DSG3: variants seen among roughly 807,000 people sequenced by gnomAD.
The protein encoded by DSG3 is desmoglein-3.
Under a neutral mutation model 85.9 loss-of-function variants are expected in DSG3, and 63 were observed. The ratio of observed to expected loss-of-function variants is 0.73; its 90% CI spans 0.60 to 0.90. The LOEUF is 0.90. Ranked by LOEUF, DSG3 falls within the 40% of genes least tolerant of loss-of-function variation. The probability of loss-of-function intolerance (pLI) is 0.00; values close to 1 mark genes in which losing one functional copy is unlikely to be tolerated. For missense variants in DSG3, 1,220 were observed against 1,219.9 expected (o/e 1.00, Z 0.00); for synonymous variants, 447 against 441.9 (o/e 1.01, Z -0.14).
At chr18:31,456,632 A>G (rs180913587) in intron 2 of DSG3, among the ~76,000 whole-genome samples, 157 bp downstream of exon 2, 1 of 152,304 alleles carries the variant, frequency 6.6e-6, no homozygotes, top group Admixed American at 6.5e-5. Flanking sequence ...TGATAACAAT[A>G]TTTTAAAACT....
rs190778464 is a variant in DSG3 at position 31,460,932 on chromosome 18, G to C, written c.784G>C (p.Asp262His). 1 of 1,602,676 alleles carries C rather than the reference G, an allele frequency of 6.2e-7. No homozygotes were observed. Among genetic ancestry groups the C allele is most frequent in the East Asian group, 2.3e-5 (1 of 44,428 alleles). Residue 262 changes from aspartate to histidine, a missense_variant, in exon 7 of 16, where the codon GAT (aspartate) becomes CAT (histidine). Asp to His is a moderately conservative substitution (Grantham distance 81). Coordinates refer to ENST00000257189, the MANE Select transcript of DSG3 (RefSeq NM_001944.3). ...ECNIKVKDVN[D>H]NFPMFRDSQY... The stretch of plus-strand genomic sequence containing the variant: ...TAATATTAAAGTGAAAGATGTCAAC[G>C]ATAACTTCCCAATGTTTAGAGACTC...
Position 31,459,155 on chromosome 18 carries a change from A to T in DSG3, c.495A>T (p.Glu165Asp). 1 of 1,612,348 alleles carries T rather than the reference A, an allele frequency of 6.2e-7. No homozygotes were observed. The highest frequency in any genetic ancestry group is 8.5e-7 in the Non-Finnish European group (1 of 1,179,830). Residue 165 changes from glutamate (E) to aspartate (D), a missense_variant, in exon 5 of 16, where the codon GAA (glutamate) becomes GAT (aspartate). Physicochemically the swap from Glu to Asp is conservative, Grantham distance 45 (BLOSUM62 2). Coordinates refer to ENST00000257189, the MANE Select transcript of DSG3 (RefSeq NM_001944.3). ...TTTCACAACAAATTTTCATGGGTGA[A>T]ATTGAAGAAAATAGTGCCTCAAGTA... ...PVFSQQIFMG[E>D]IEENSASNSL... is the part of the protein sequence containing the mutation.
chr18:31,458,503 T>C lies in DSG3; in HGVS notation c.275T>C (p.Ile92Thr). 6.2e-7 allele frequency: 1 copy of C among 1,614,124 alleles called. No homozygotes were observed. Among genetic ancestry groups the C allele is most frequent in the Middle Eastern group, 1.6e-4 (1 of 6,062 alleles). ...KITYRISGVG[I>T]DQPPFGIFVV... Reference sequence around the variant, plus strand: ...ACCTACCGAATCTCTGGAGTGGGAATCGATCAGCCGCCTTTTGGAATCTTT... The same window carrying C: ...ACCTACCGAATCTCTGGAGTGGGAACCGATCAGCCGCCTTTTGGAATCTTT... The change falls in exon 4 of 16, where the codon ATC becomes ACC. Residue 92 changes from isoleucine to threonine, a missense_variant. Transcript: ENST00000257189.
chr18:31,464,316 T>C lies in DSG3; in HGVS notation c.1205T>C (p.Val402Ala), dbSNP rs185975223. The change falls in exon 9 of 16, where the codon GTG becomes GCG. Residue 402 changes from valine (V) to alanine (A), a missense_variant. Coordinates refer to ENST00000257189, the MANE Select transcript of DSG3 (RefSeq NM_001944.3). ...VQKGISSKKL[V>A]DYILGTYQAI... The stretch of plus-strand genomic sequence containing the variant: ...AAAGGCATAAGTAGCAAAAAATTGG[T>C]GGATTATATCCTGGGAACATATCAA... 3 of 1,614,166 alleles carry C rather than the reference T, an allele frequency of 1.9e-6. No homozygotes were observed. The highest frequency in any genetic ancestry group is 1.3e-5 in the African/African-American group (1 of 75,068).
Position 31,461,431 on chromosome 18 carries a change from T to C in DSG3, c.999+19T>C, listed in dbSNP as rs2072785693. Reference sequence around the variant, plus strand: ...GGTGAAGGTAAGGTCTGACTTCCCTTCATTGGTAAAAAAAATTCTGTATTA... The same window carrying C: ...GGTGAAGGTAAGGTCTGACTTCCCTCCATTGGTAAAAAAAATTCTGTATTA... On this transcript the variant is annotated intron_variant, in intron 8 of 15. Coordinates refer to ENST00000257189, the MANE Select transcript of DSG3 (RefSeq NM_001944.3). 1 of 1,587,994 alleles carries C rather than the reference T, an allele frequency of 6.3e-7. No individual in the cohort carries two copies.
chr18:31,447,800 T>C lies in DSG3; in HGVS notation c.-78T>C, dbSNP rs2072687345. The stretch of plus-strand genomic sequence containing the variant: ...GCAGAGACGCTGCAGAGGGCTTTTC[T>C]TAGACATCAACTGCAGACGGCTGGC... On this transcript the variant is annotated 5_prime_UTR_variant, in exon 1 of 16. Transcript: ENST00000257189. 5.4e-6 allele frequency: 7 copies of C among 1,285,494 alleles called. No homozygotes were observed. Among genetic ancestry groups the C allele is most frequent in the Middle Eastern group, 3.9e-4 (2 of 5,152 alleles). The allele number at this position is 1,285,494 out of a possible 1,614,324, so 79.6% of individuals were successfully genotyped here.
intron 3 of DSG3, 76 bp downstream of exon 3, chr18:31,457,200 C>A: frequency 6.9e-7 from 1 of 1,447,126 alleles, no homozygotes; most frequent in East Asian, 2.5e-5. Flanking sequence ...TACGGCAATT[C>A]CAAATAACAA....
At chr18:31,464,412 C>A (rs2072804553) in intron 9 of DSG3, 30 bp downstream of exon 9, 3 of 1,577,236 alleles carry the variant, frequency 1.9e-6, no homozygotes, top group East Asian at 2.2e-5. Flanking sequence ...TATCCTATTT[C>A]TTGATGAGGT....
chr18:31,476,217 A>T lies in DSG3; in HGVS notation c.2957A>T (p.His986Leu). ...GGCCCAACGCAGCTACGAGGGTCAC[A>T]TACTATGCTCTGTACAGAGGATCCT... ...LAGPTQLRGS[H>L]TMLCTEDPCS... Residue 986 changes from histidine (H) to leucine (L), a missense_variant, in exon 16 of 16, where the codon CAT becomes CTT. By Grantham distance (99) the His-to-Leu change is moderately conservative (BLOSUM62 -3). Coordinates refer to ENST00000257189, the MANE Select transcript of DSG3 (RefSeq NM_001944.3). The T allele has an allele frequency of 1.9e-6, 3 of 1,614,088 alleles. No individual in the cohort carries two copies. Among genetic ancestry groups the T allele is most frequent in the Non-Finnish European group, 2.5e-6 (3 of 1,179,960 alleles).
rs200719096 is a variant in DSG3, at chr18:31,464,314, G to A, written c.1203G>A (p.Leu401=). 1 of 1,614,088 alleles carries A rather than the reference G, an allele frequency of 6.2e-7. No individual in the cohort carries two copies. Among genetic ancestry groups the A allele is most frequent in the Non-Finnish European group, 8.5e-7 (1 of 1,180,000 alleles). ...AAAAAGGCATAAGTAGCAAAAAATT[G>A]GTGGATTATATCCTGGGAACATATC... is the stretch of plus-strand genomic sequence containing the variant. ...TVQKGISSKK[L]VDYILGTYQA... is the part of the protein sequence containing the mutation. Residue 401 remains leucine, a synonymous_variant, in exon 9 of 16, where the codon TTG becomes TTA. Transcript: ENST00000257189.
At chr18:31,461,173 C>G in intron 7 of DSG3, 54 bp from the exon 8 acceptor site, 9 of 1,434,588 alleles carry the variant, frequency 6.3e-6, no homozygotes, top group Non-Finnish European at 7.5e-6. Context: ...GAAACATAAT[C>G]TCTCCATGTA....
At position 31,469,534 on chromosome 18, in the gene DSG3, A is replaced by G. The variant is rs73414226; in HGVS notation, c.1897+185A>G. ...GTAACATGTCGCTTGCTAACAGTCTATATTCATATAGCAACACAAGTTATA... is the reference window on the plus strand; with the variant it reads ...GTAACATGTCGCTTGCTAACAGTCTGTATTCATATAGCAACACAAGTTATA... On this transcript the variant is annotated intron_variant, in intron 12 of 15. Transcript: ENST00000257189. 6.7e-3 allele frequency among the ~76,000 whole-genome samples: 1,015 copies of G among 152,330 alleles called. 8 individuals are homozygous for G. The highest frequency in any genetic ancestry group is 0.023 in the African/African-American group (943 of 41,570).
chr18:31,471,901 T>C (rs534579354), intron 12 of DSG3, among the ~76,000 whole-genome samples: 1 of 152,328 alleles, frequency 6.6e-6, no homozygotes, highest in African/African-American at 2.4e-5. Flanking sequence ...CATATATTTA[T>C]CTGTGTATTC....
chr18:31,459,781 A>T, intron 5 of DSG3, 64 bp from the exon 6 acceptor site: 2 of 1,447,110 alleles, frequency 1.4e-6, no homozygotes, highest in Admixed American at 4.2e-5. Flanking sequence ...TGTTTGGAAT[A>T]TTTAAAGTAA....
At chr18:31,475,201 G>A (rs1166068724) in intron 15 of DSG3, among the ~76,000 whole-genome samples, 1 of 152,210 alleles carries the variant, frequency 6.6e-6, no homozygotes, top group Non-Finnish European at 1.5e-5. Flanking sequence ...AGTGGGCAGA[G>A]AGGCACGGTT....
In DSG3 at chr18:31,466,757, G is replaced by A. The variant is rs1022438392; in HGVS notation, c.1636+3G>A. ...ATGGAGTATCACAACCCTCAATGGT[G>A]AGTAACAGTAAAGTTGCTTCTATAA... On this transcript the variant is annotated splice_donor_region_variant and intron_variant, in intron 11 of 15. Coordinates refer to ENST00000257189, the MANE Select transcript of DSG3 (RefSeq NM_001944.3). 6.2e-7 allele frequency: 1 copy of A among 1,612,772 alleles called. No individual in the cohort carries two copies. The highest frequency in any genetic ancestry group is 1.3e-5 in the African/African-American group (1 of 74,898).
chr18:31,459,833 C>T lies in DSG3; in HGVS notation c.518-12C>T. The T allele has an allele frequency of 6.3e-7, 1 of 1,592,732 alleles. No individual in the cohort carries two copies. The highest frequency in any genetic ancestry group is 8.6e-7 in the Non-Finnish European group (1 of 1,168,316). On this transcript the variant is annotated splice_polypyrimidine_tract_variant and intron_variant, in intron 5 of 15. Transcript: ENST00000257189. ...TACATATTCTTTAATAAACGTTTTC[C>T]TGTATTCCTAGACTCACTGGTGATG...
At chr18:31,472,901 G>A (rs904960199) in intron 14 of DSG3, 113 bp downstream of exon 14, 1 of 914,198 alleles carries the variant, frequency 1.1e-6, no homozygotes, top group South Asian at 1.6e-5. Context: ...CACATGTCAG[G>A]AGCTGTTACC....
Position 31,472,423 on chromosome 18 carries a change from G to A in DSG3, c.2037G>A (p.Lys679=), listed in dbSNP as rs775162779. Residue 679 remains lysine (K), a splice_region_variant and synonymous_variant, in exon 13 of 16, where the codon AAG becomes AAA. Transcript: ENST00000257189. Reference sequence around the variant, plus strand: ...TTGAAGGAGCCCATCCTGAAGACAAGGTAAGCATCCAGTTCATAAATTATG... The same window carrying A: ...TTGAAGGAGCCCATCCTGAAGACAAAGTAAGCATCCAGTTCATAAATTATG... ...WGIEGAHPED[K]EITNICVPPV... 3 of 1,611,130 alleles carry A rather than the reference G, an allele frequency of 1.9e-6. No individual in the cohort carries two copies. In the East Asian group the frequency reaches 6.7e-5, roughly 36 times the overall value.
Sources: gnomAD v4.1 joint callset for allele counts (sites outside exome capture counted in the v4.1 genomes callset) on GRCh38, gnomAD v4.1.1 for gene constraint, MANE v1.5 for transcripts, NCBI Gene and HGNC (gene_info 2026-07-23, HGNC 2026-07-21) for gene names.